NRDE2: variants seen among roughly 807,000 people sequenced by gnomAD.
NRDE2 encodes the protein NRDE-2, necessary for RNA interference, domain containing, also known as nuclear exosome regulator NRDE2.
In NRDE2, 76 loss-of-function variants were observed where a neutral mutation model predicts 124.2. The ratio of observed to expected loss-of-function variants is 0.61; its 90% CI spans 0.51 to 0.74. NRDE2 has a LOEUF of 0.74. Ranked by LOEUF, NRDE2 falls within the 30% of genes least tolerant of loss-of-function variation. The pLI, the probability that NRDE2 is intolerant of heterozygous loss-of-function variation, is 0.00. For synonymous variants in NRDE2, 489 were observed against 528.1 expected, an observed-to-expected ratio of 0.93 and a Z score of 1.01; for missense variants, 1,314 against 1,417.3, an observed-to-expected ratio of 0.93 and a Z score of 1.17.
chr14:90,329,823 G>C (rs1885595647), intron 1 of NRDE2, among the ~76,000 whole-genome samples: 1 of 143,498 alleles, frequency 7.0e-6, no homozygotes. Context: ...GGGTGACAGA[G>C]TGAGACTGCC....
chr14:90,285,854 C>G (rs892725709), intron 12 of NRDE2, among the ~76,000 whole-genome samples: 1 of 151,952 alleles, frequency 6.6e-6, no homozygotes, highest in African/African-American at 2.4e-5. Context: ...AGGCTGGTCT[C>G]GAACTCCTGG....
intron 2 of NRDE2, chr14:90,317,752 C>T (rs571901822): frequency 3.2e-5 from 11 of 347,026 alleles, no homozygotes; most frequent in South Asian, 8.9e-5. Flanking sequence ...TAAAGTTACT[C>T]GAGAATCACA....
Position 90,312,374 on chromosome 14 carries a change from G to A in NRDE2, c.557+20C>T, listed in dbSNP as rs778829170. ...AGTCACTTTCCTACAGTGAAAACTGGGGGAAAACAAGGTGACTACCTTGCT... is the reference window on the plus strand; with the variant it reads ...AGTCACTTTCCTACAGTGAAAACTGAGGGAAAACAAGGTGACTACCTTGCT... On this transcript the variant is annotated intron_variant, in intron 4 of 13. Coordinates refer to ENST00000354366, the MANE Select transcript of NRDE2 (RefSeq NM_017970.4). 6.2e-7 allele frequency: 1 copy of A among 1,612,472 alleles called. No homozygotes were observed. The highest frequency in any genetic ancestry group is 8.5e-7 in the Non-Finnish European group (1 of 1,179,066).
In NRDE2 at chr14:90,290,245, G is replaced by A; in HGVS notation, c.2205C>T (p.Ser735=). Residue 735 remains serine (S), a synonymous_variant, in exon 10 of 14, where the codon TCC becomes TCT. Transcript: ENST00000354366. ...CCTTTGCAATCTCATACTGTAACCAGGAGAAGCAGAGCTGGGACTTCTCTT... is the reference window on the plus strand; with the variant it reads ...CCTTTGCAATCTCATACTGTAACCAAGAGAAGCAGAGCTGGGACTTCTCTT... ...SGKEKSQLCF[S]WLQYEIAKVI... 1 of 1,613,982 alleles carries A rather than the reference G, an allele frequency of 6.2e-7. No homozygotes were observed.
chr14:90,284,457 C>T (rs1420075614), intron 12 of NRDE2, among the ~76,000 whole-genome samples: 2 of 151,904 alleles, frequency 1.3e-5, no homozygotes, highest in Non-Finnish European at 2.9e-5. Context: ...CTGCAACCTC[C>T]CTGGTTCAAG....
chr14:90,329,833 C>CT (rs1169629754), intron 1 of NRDE2, among the ~76,000 whole-genome samples: 1 of 132,046 alleles, frequency 7.6e-6, no homozygotes, highest in African/African-American at 2.9e-5. Flanking sequence ...GTGAGACTGC[C>CT]TCAAAAAAAA....
rs140635716 is a variant in NRDE2, at chr14:90,319,266, C to T, written c.65-1153G>A. ...TTATTCATATCCTAAAGAGGAAGAA[C>T]CCGTTAAATGGTTGAAGGTACAAAA... On this transcript the variant is annotated intron_variant, in intron 1 of 13. Coordinates refer to ENST00000354366, the MANE Select transcript of NRDE2 (RefSeq NM_017970.4). 2.4e-3 allele frequency among the ~76,000 whole-genome samples: 360 copies of T among 152,202 alleles called. 2 individuals carry two copies. Among genetic ancestry groups the T allele is most frequent in the African/African-American group, 8.3e-3 (346 of 41,512 alleles).
At position 90,286,451 on chromosome 14, in the gene NRDE2, C is replaced by A. The variant is rs868195426; in HGVS notation, c.3200G>T (p.Gly1067Val). The A allele has an allele frequency of 3.7e-6, 6 of 1,614,038 alleles. No individual in the cohort carries two copies. The highest frequency in any genetic ancestry group is 1.7e-5 in the Admixed American group (1 of 60,010). Residue 1067 changes from glycine (G) to valine (V), a missense_variant, in exon 12 of 14, where the codon GGC becomes GTC. Gly to Val is a moderately radical substitution (Grantham distance 109). Transcript: ENST00000354366. ...REIHATIPET[G>V]LMHRIQALFE... ...CAGGGCTTGGATCCGATGCATTAAG[C>A]CGGTCTCAGGAATTGTGGCGTGGAT...
chr14:90,308,386 C>T (rs1884696633), intron 4 of NRDE2, among the ~76,000 whole-genome samples: 1 of 152,196 alleles, frequency 6.6e-6, no homozygotes, highest in Non-Finnish European at 1.5e-5. Flanking sequence ...GGATGTGCTA[C>T]TCTATACTGA....
At chr14:90,282,535 G>A (rs560249202) in intron 12 of NRDE2, among the ~76,000 whole-genome samples, 17 of 151,862 alleles carry the variant, frequency 1.1e-4, no homozygotes, top group South Asian at 2.1e-4. Context: ...GCAAAACAGC[G>A]CATTTGAAAG....
At chr14:90,287,009 G>A (rs1267237718) in intron 11 of NRDE2, among the ~76,000 whole-genome samples, 1 of 128,152 alleles carries the variant, frequency 7.8e-6, no homozygotes, top group African/African-American at 3.0e-5. Context: ...ATTCCAGCCT[G>A]GGCAACAGAG....
In NRDE2 at chr14:90,329,565, G is replaced by A. The variant is rs548161808; in HGVS notation, c.64+2276C>T. Among the ~76,000 whole-genome samples the A allele has an allele frequency of 1.5e-3, 222 of 152,056 alleles. 1 individual carries two copies. The highest frequency in any genetic ancestry group is 5.0e-3 in the African/African-American group (209 of 41,478). On this transcript the variant is annotated intron_variant, in intron 1 of 13. Transcript: ENST00000354366. ...AGAAAAAAAAAAGTAGGCTGGGTAC[G>A]TTGGCTCACACCTGTAATCCCAGCA...
At position 90,280,291 on chromosome 14, in the gene NRDE2, C is replaced by T. The variant is rs370787325; in HGVS notation, c.3298-1158G>A. 8 of 152,278 alleles carry T rather than the reference C, an allele frequency of 5.3e-5. No individual in the cohort carries two copies. The East Asian group carries it at 7.7e-4, about 15-fold the overall frequency. The allele number at this position is 152,278 out of a possible 1,614,324, so 9.4% of individuals were successfully genotyped here. A position where few individuals can be genotyped will look rare whatever the true frequency, so the allele number is the denominator to read the frequency against. ...GGAACTGTGATAACCTTGCTTCAGG[C>T]AAGGCCCAGTCTTTCCCCAGCCTCT... is the stretch of plus-strand genomic sequence containing the variant. On this transcript the variant is annotated intron_variant, in intron 12 of 13. Coordinates refer to ENST00000354366, the MANE Select transcript of NRDE2 (RefSeq NM_017970.4).
rs369844954 is a variant in NRDE2 at position 90,278,306 on chromosome 14, C to T, written c.*30G>A. The T allele has an allele frequency of 5.5e-5, 89 of 1,613,650 alleles. 1 individual carries two copies. Among genetic ancestry groups the T allele is most frequent in the South Asian group, 3.0e-4 (27 of 91,050 alleles). On this transcript the variant is annotated 3_prime_UTR_variant, in exon 14 of 14. Coordinates refer to ENST00000354366, the MANE Select transcript of NRDE2 (RefSeq NM_017970.4). ...CTCCGCAGGGTGGGCAACTTGGCCT[C>T]GCAGGCACAGCCCGTTTTCCCGCTG...
intron 8 of NRDE2, 79 bp downstream of exon 8, chr14:90,298,181 G>T: frequency 7.0e-7 from 1 of 1,436,978 alleles, no homozygotes; most frequent in Non-Finnish European, 9.7e-7. Context: ...AATAGCTTAA[G>T]CAGATAAATA....
At chr14:90,322,240 A>C (rs922999506) in intron 1 of NRDE2, among the ~76,000 whole-genome samples, 3 of 152,206 alleles carry the variant, frequency 2.0e-5, no homozygotes, top group Non-Finnish European at 4.4e-5. Context: ...ATTAGTAATG[A>C]CTACTGTGAT....
intron 8 of NRDE2, 90 bp downstream of exon 8, chr14:90,298,166 TGATA>T: frequency 7.5e-7 from 1 of 1,332,360 alleles, no homozygotes; most frequent in Non-Finnish European, 1.1e-6. Flanking sequence ...CTGAAGCTAC[TGATA>T]AATAGCTTAA....
Position 90,272,164 on chromosome 14 carries a change from G to C in NRDE2, c.*6172C>G, listed in dbSNP as rs1891686108. On this transcript the variant is annotated 3_prime_UTR_variant, in exon 14 of 14. Transcript: ENST00000354366. The surrounding 1 kb of genome is among the most constrained non-coding windows in gnomAD (Gnocchi z 4.5). Reference sequence around the variant, plus strand: ...CTGCCTCGGCCTCCCAGAGTGCTGGGATTACAGGTGTGAGCCACCGCGCCT... The same window carrying C: ...CTGCCTCGGCCTCCCAGAGTGCTGGCATTACAGGTGTGAGCCACCGCGCCT... 1 of 1,264,072 alleles carries C rather than the reference G, an allele frequency of 7.9e-7. No homozygotes were observed. The highest frequency in any genetic ancestry group is 1.1e-6 in the Non-Finnish European group (1 of 910,026). The allele number at this position is 1,264,072 out of a possible 1,614,324, so 78.3% of individuals were successfully genotyped here.
intron 6 of NRDE2, 96 bp from the exon 7 acceptor site, chr14:90,301,468 A>G (rs1284678929): frequency 9.3e-7 from 1 of 1,073,896 alleles, no homozygotes; most frequent in Non-Finnish European, 1.4e-6. Flanking sequence ...CATTGAGAAC[A>G]CCTTTCACCT....
Sources: allele counts gnomAD v4.1 joint callset (sites outside exome capture counted in the v4.1 genomes callset), GRCh38; gene constraint gnomAD v4.1.1; non-coding constraint Gnocchi (gnomAD v3.1); transcripts MANE v1.5; gene names NCBI Gene and HGNC (gene_info 2026-07-23, HGNC 2026-07-21).